Variants in DLX4 observed in about 807,000 individuals in gnomAD.
DLX4 encodes the protein homeobox protein DLX-4.
A neutral mutation model predicts 17.1 loss-of-function variants in DLX4; 13 were observed. The ratio of observed to expected loss-of-function variants is 0.76; its 90% CI spans 0.49 to 1.21. The LOEUF (loss-of-function observed/expected upper bound fraction) is 1.21, where lower values mean the gene tolerates loss of function less well. Ranked by LOEUF, DLX4 falls within the 50% of genes most tolerant of loss-of-function variation. DLX4 has a pLI of 0.00. For synonymous variants in DLX4, 129 were observed against 140.3 expected, an observed-to-expected ratio of 0.92 and a Z score of 0.57; for missense variants, 297 against 301.4, an observed-to-expected ratio of 0.99 and a Z score of 0.11.
Position 49,972,850 on chromosome 17 carries a change from G to C in DLX4, c.284-223G>C, listed in dbSNP as rs1007268385. On this transcript the variant is annotated intron_variant, in intron 1 of 2. Transcript: ENST00000240306. This position sits in a 1 kb window ranked among gnomAD's most constrained non-coding sequence, Gnocchi z 5.4. ...ACCCATACGAGTGGGAGCTCCCTGGGAGCAGAACTGCGTCTTGTATCACCT... is the reference window on the plus strand; with the variant it reads ...ACCCATACGAGTGGGAGCTCCCTGGCAGCAGAACTGCGTCTTGTATCACCT... 7.0e-7 allele frequency: 1 copy of C among 1,436,252 alleles called. No homozygotes were observed. Among genetic ancestry groups the C allele is most frequent in the Non-Finnish European group, 9.1e-7 (1 of 1,092,944 alleles). The allele number at this position is 1,436,252 out of a possible 1,614,324, so 89.0% of individuals were successfully genotyped here. A position where few individuals can be genotyped will look rare whatever the true frequency, so the allele number is the denominator to read the frequency against.
upstream of DLX4, among the ~76,000 whole-genome samples, chr17:49,968,752 G>A (rs550242309): frequency 6.6e-6 from 1 of 152,216 alleles, no homozygotes; most frequent in Non-Finnish European, 1.5e-5. Context: ...CAGCAGCGGC[G>A]CATTCCGACG....
At chr17:49,970,427 C>T (rs1183380028) in intron 1 of DLX4, among the ~76,000 whole-genome samples, 1 of 152,206 alleles carries the variant, frequency 6.6e-6, no homozygotes, top group East Asian at 1.9e-4. Flanking sequence ...ACTACCTCAG[C>T]CTTCCAGCCA....
rs1227512306 is a variant in DLX4, at chr17:49,969,623, GC to G, written c.157del (p.His53ThrfsTer80). ...AATTTGTCCTACTCCAGGCCGTATG[GC>G]CACCTCCTGTCTTACCCCTACACCG... ...SPNLSYSRPY[G>X]HLLSYPYTEP... On this transcript the variant is annotated frameshift_variant, in exon 1 of 3. Coordinates refer to ENST00000240306, the MANE Select transcript of DLX4 (RefSeq NM_138281.3). LOFTEE classifies it high-confidence loss of function. 2 of 1,612,854 alleles carry G rather than the reference GC, an allele frequency of 1.2e-6. No homozygotes were observed. Among genetic ancestry groups the G allele is most frequent in the Non-Finnish European group, 1.7e-6 (2 of 1,179,960 alleles).
intron 1 of DLX4, among the ~76,000 whole-genome samples, chr17:49,970,410 C>G (rs1470302737): frequency 6.6e-6 from 1 of 152,240 alleles, no homozygotes; most frequent in Non-Finnish European, 1.5e-5. Context: ...TCGCTCATCT[C>G]TCCCTGACTA....
At chr17:49,973,599 C>A in intron 2 of DLX4, 102 bp from the exon 3 acceptor site, 1 of 1,401,292 alleles carries the variant, frequency 7.1e-7, no homozygotes, top group Non-Finnish European at 9.6e-7. Context: ...AACTGCTGGT[C>A]TCCCAGGACT....
chr17:49,970,173 T>A (rs1863502), intron 1 of DLX4, among the ~76,000 whole-genome samples: 33,799 of 152,008 alleles, frequency 0.22, 3,977 homozygotes, highest in African/African-American at 0.28. Flanking sequence ...GCGTTAGTCT[T>A]GTCTCAGAAA....
Position 49,972,077 on chromosome 17 carries a change from T to C in DLX4, c.284-996T>C, listed in dbSNP as rs1208543909. The C allele has an allele frequency of 6.6e-6, 1 of 152,260 alleles. No individual in the cohort carries two copies. Among genetic ancestry groups the C allele is most frequent in the African/African-American group, 2.4e-5 (1 of 41,430 alleles). 9.4% of individuals were successfully genotyped at this position (152,260 alleles called of 1,614,324 possible). Reference sequence around the variant, plus strand: ...GCTCCATCCGCCCTACTCCTCCCATTGCCTGGGACCTCTGCAGCGTCCCCG... The same window carrying C: ...GCTCCATCCGCCCTACTCCTCCCATCGCCTGGGACCTCTGCAGCGTCCCCG... On this transcript the variant is annotated intron_variant, in intron 1 of 2. Coordinates refer to ENST00000240306, the MANE Select transcript of DLX4 (RefSeq NM_138281.3). The surrounding 1 kb of genome is among the most constrained non-coding windows in gnomAD (Gnocchi z 5.4).
rs1905407464 is a variant in DLX4, at chr17:49,969,198, C to T, written c.-271C>T. ...AAGAGGGCGGGGCCCCCGTCGGGTC[C>T]CGGGAACCGAACCCGATGGAGAGGA... On this transcript the variant is annotated 5_prime_UTR_variant, in exon 1 of 3. Coordinates refer to ENST00000240306, the MANE Select transcript of DLX4 (RefSeq NM_138281.3). The T allele has an allele frequency of 2.8e-6, 1 of 362,984 alleles. No individual in the cohort carries two copies. 22.5% of individuals were successfully genotyped at this position (362,984 alleles called of 1,614,324 possible). A position where few individuals can be genotyped will look rare whatever the true frequency, so the allele number is the denominator to read the frequency against.
In DLX4 at chr17:49,973,264, A is replaced by T. The variant is rs1364428279; in HGVS notation, c.475A>T (p.Thr159Ser). ...QLAAQLGLTQ[T>S]QVKIWFQNKR... ...GGCAGCGCAGCTCGGCCTCACCCAGACCCAGGTGGGGCCAGTGTCGTCCTT... is the reference window on the plus strand; with the variant it reads ...GGCAGCGCAGCTCGGCCTCACCCAGTCCCAGGTGGGGCCAGTGTCGTCCTT... Residue 159 changes from threonine to serine, a missense_variant, in exon 2 of 3, where the codon ACC (threonine) becomes TCC (serine). Coordinates refer to ENST00000240306, the MANE Select transcript of DLX4 (RefSeq NM_138281.3). 6.2e-7 allele frequency: 1 copy of T among 1,613,402 alleles called. No individual in the cohort carries two copies. Among genetic ancestry groups the T allele is most frequent in the African/African-American group, 1.3e-5 (1 of 74,878 alleles).
chr17:49,973,994 C>A lies in DLX4; in HGVS notation c.*51C>A, dbSNP rs767321711. On this transcript the variant is annotated 3_prime_UTR_variant, in exon 3 of 3. Transcript: ENST00000240306. ...ACAGCCTTCCTGCAAAGCCCAGGAC[C>A]CAGGCAGTCCACCTGCACCCCTTCT... The A allele has an allele frequency of 1.3e-6, 2 of 1,524,758 alleles. No individual in the cohort carries two copies. Among genetic ancestry groups the A allele is most frequent in the African/African-American group, 2.8e-5 (2 of 72,266 alleles). 94.5% of individuals were successfully genotyped at this position (1,524,758 alleles called of 1,614,324 possible).
chr17:49,972,880 C>T lies in DLX4; in HGVS notation c.284-193C>T. Reference sequence around the variant, plus strand: ...GAACTGCGTCTTGTATCACCTGGCGCGGTGAACGTGGGGGTTGAAACGCTC... The same window carrying T: ...GAACTGCGTCTTGTATCACCTGGCGTGGTGAACGTGGGGGTTGAAACGCTC... On this transcript the variant is annotated intron_variant, in intron 1 of 2. Transcript: ENST00000240306. This position sits in a 1 kb window ranked among gnomAD's most constrained non-coding sequence, Gnocchi z 5.4. The T allele has an allele frequency of 2.8e-6, 4 of 1,447,340 alleles. No individual in the cohort carries two copies. The highest frequency in any genetic ancestry group is 3.6e-6 in the Non-Finnish European group (4 of 1,096,794). The allele number at this position is 1,447,340 out of a possible 1,614,324, so 89.7% of individuals were successfully genotyped here.
At position 49,972,986 on chromosome 17, in the gene DLX4, G is replaced by T. The variant is rs1567907592; in HGVS notation, c.284-87G>T. 1 of 1,552,848 alleles carries T rather than the reference G, an allele frequency of 6.4e-7. No homozygotes were observed. The highest frequency in any genetic ancestry group is 2.3e-5 in the East Asian group (1 of 43,574). ...TGCTATTTGCTGCCGACGGCATGCAGACGAGATGCAAATAAGCTTATGAAA... is the reference window on the plus strand; with the variant it reads ...TGCTATTTGCTGCCGACGGCATGCATACGAGATGCAAATAAGCTTATGAAA... On this transcript the variant is annotated intron_variant, in intron 1 of 2. Transcript: ENST00000240306. The surrounding 1 kb of genome is among the most constrained non-coding windows in gnomAD (Gnocchi z 5.4).
At chr17:49,971,362 G>A (rs1399207030) in intron 1 of DLX4, among the ~76,000 whole-genome samples, 1 of 152,176 alleles carries the variant, frequency 6.6e-6, no homozygotes, top group African/African-American at 2.4e-5. Context: ...AGAGCTTGGG[G>A]TCCTCCTTTT....
chr17:49,971,335 TG>T (rs1326409856), intron 1 of DLX4, among the ~76,000 whole-genome samples: 1 of 152,038 alleles, frequency 6.6e-6, no homozygotes. Flanking sequence ...CGCTCTAGAG[TG>T]GAGGGCATGT....
chr17:49,971,531 G>A (rs1316043075), intron 1 of DLX4, among the ~76,000 whole-genome samples: 1 of 152,170 alleles, frequency 6.6e-6, no homozygotes, highest in African/African-American at 2.4e-5. Context: ...TGGAACTGGG[G>A]TAGGGAAAGG....
In DLX4 at chr17:49,973,907, C is replaced by T. The variant is rs751256141; in HGVS notation, c.687C>T (p.His229=). 1.9e-6 allele frequency: 3 copies of T among 1,611,792 alleles called. No homozygotes were observed. Among genetic ancestry groups the T allele is most frequent in the Non-Finnish European group, 2.5e-6 (3 of 1,179,032 alleles). Residue 229 remains histidine (H), a synonymous_variant, in exon 3 of 3, where the codon CAC becomes CAT. Transcript: ENST00000240306. ...GNSFGAWYQH[H]SSDVLASPQM... ...GCTTTGGAGCCTGGTATCAGCATCACTCCTCAGATGTCCTGGCTTCGCCTC... is the reference window on the plus strand; with the variant it reads ...GCTTTGGAGCCTGGTATCAGCATCATTCCTCAGATGTCCTGGCTTCGCCTC...
Position 49,972,090 on chromosome 17 carries a change from T to A in DLX4, c.284-983T>A, listed in dbSNP as rs1227640764. 1 of 152,222 alleles carries A rather than the reference T, an allele frequency of 6.6e-6. No homozygotes were observed. Among genetic ancestry groups the A allele is most frequent in the Non-Finnish European group, 1.5e-5 (1 of 68,092 alleles). 9.4% of individuals were successfully genotyped at this position (152,222 alleles called of 1,614,324 possible). On this transcript the variant is annotated intron_variant, in intron 1 of 2. Coordinates refer to ENST00000240306, the MANE Select transcript of DLX4 (RefSeq NM_138281.3). This position sits in a 1 kb window ranked among gnomAD's most constrained non-coding sequence, Gnocchi z 5.4. Reference sequence around the variant, plus strand: ...TACTCCTCCCATTGCCTGGGACCTCTGCAGCGTCCCCGTAGAGCCGCGCAG... The same window carrying A: ...TACTCCTCCCATTGCCTGGGACCTCAGCAGCGTCCCCGTAGAGCCGCGCAG...
intron 2 of DLX4, 195 bp downstream of exon 2, chr17:49,973,464 G>C: frequency 9.8e-7 from 1 of 1,015,332 alleles, no homozygotes; most frequent in South Asian, 1.5e-5. Context: ...ATGTGCGGGT[G>C]GGGTGGAGTG....
rs1905649182 is a variant in DLX4 at position 49,974,515 on chromosome 17, T to C, written c.*572T>C. 6.7e-6 allele frequency: 1 copy of C among 148,460 alleles called. No homozygotes were observed. Among genetic ancestry groups the C allele is most frequent in the Non-Finnish European group, 1.5e-5 (1 of 67,610 alleles). The allele number at this position is 148,460 out of a possible 1,614,324, so 9.2% of individuals were successfully genotyped here. A position where few individuals can be genotyped will look rare whatever the true frequency, so the allele number is the denominator to read the frequency against. On this transcript the variant is annotated 3_prime_UTR_variant, in exon 3 of 3. Transcript: ENST00000240306. ...CCATAACTGATTTACCTACTTACCATACTGGGAGGTAGAAGAGATGCAGAG... is the reference window on the plus strand; with the variant it reads ...CCATAACTGATTTACCTACTTACCACACTGGGAGGTAGAAGAGATGCAGAG...
Sources: gnomAD v4.1 joint callset for allele counts (sites outside exome capture counted in the v4.1 genomes callset) on GRCh38, gnomAD v4.1.1 for gene constraint, Gnocchi (gnomAD v3.1) non-coding constraint, MANE v1.5 for transcripts, NCBI Gene and HGNC (gene_info 2026-07-23, HGNC 2026-07-21) for gene names.